Variants in PALS2 observed in about 807,000 individuals in gnomAD.
PALS2 encodes the protein protein PALS2.
Under a neutral mutation model 61.6 loss-of-function variants are expected in PALS2, and 27 were observed. The observed-to-expected ratio is 0.44, with a 90% CI of 0.32 to 0.60. PALS2 has a LOEUF of 0.60. Among genes scored for constraint, PALS2 ranks in the 20% least tolerant of loss-of-function variants. PALS2 has a pLI of 0.05. For missense variants in PALS2, 554 were observed against 639.4 expected (o/e 0.87, Z 1.44); for synonymous variants, 236 against 218.6 (o/e 1.08, Z -0.70).
At chr7:24,662,768 GAAA>G (rs59367702) in intron 5 of PALS2, among the ~76,000 whole-genome samples, 70 of 102,464 alleles carry the variant, frequency 6.8e-4, no homozygotes, top group Non-Finnish European at 9.6e-4. Flanking sequence ...GACTCCATCT[GAAA>G]AAAAAAAAAA....
intron 2 of PALS2, among the ~76,000 whole-genome samples, chr7:24,629,314 T>TA (rs1784886783): frequency 6.6e-6 from 1 of 152,188 alleles, no homozygotes; most frequent in South Asian, 2.1e-4. Flanking sequence ...ACCCCTTCCT[T>TA]ACACCTTATT....
At chr7:24,641,107 AACTTT>A (rs140991571) in intron 2 of PALS2, among the ~76,000 whole-genome samples, 2,444 of 151,974 alleles carry the variant, frequency 0.016, 76 homozygotes, top group African/African-American at 0.056. Context: ...AGAAAAAAAC[AACTTT>A]ACTTATAAAG....
intron 1 of PALS2, among the ~76,000 whole-genome samples, chr7:24,601,476 C>T (rs892486770): frequency 5.3e-5 from 8 of 152,120 alleles, no homozygotes; most frequent in African/African-American, 1.9e-4. Flanking sequence ...AATACGGACT[C>T]ATTTTCTGAA....
intron 1 of PALS2, among the ~76,000 whole-genome samples, chr7:24,602,133 A>G (rs781385169): frequency 4.0e-5 from 6 of 151,530 alleles, no homozygotes; most frequent in East Asian, 1.9e-4. Flanking sequence ...ATTTCCTCAC[A>G]TTTACCTTCC....
chr7:24,670,705 C>T (rs192825595), intron 9 of PALS2, among the ~76,000 whole-genome samples: 2 of 152,298 alleles, frequency 1.3e-5, no homozygotes, highest in African/African-American at 4.8e-5. Flanking sequence ...CCACCAACTT[C>T]CTCACCCCCT....
At chr7:24,653,283 A>G (rs1295326140) in intron 5 of PALS2, among the ~76,000 whole-genome samples, 3 of 152,200 alleles carry the variant, frequency 2.0e-5, no homozygotes. Flanking sequence ...AACTAAGCAC[A>G]TTACCAGATG....
chr7:24,672,312 C>T (rs1787338967), intron 9 of PALS2, among the ~76,000 whole-genome samples: 2 of 151,810 alleles, frequency 1.3e-5, no homozygotes, highest in African/African-American at 4.8e-5. Flanking sequence ...ACTGCAGCCT[C>T]CACCTCCTGG....
chr7:24,599,792 A>C (rs188336772), intron 1 of PALS2, among the ~76,000 whole-genome samples: 1 of 152,180 alleles, frequency 6.6e-6, no homozygotes, highest in East Asian at 1.9e-4. Context: ...GGTGTGAGCC[A>C]CTGCACCCAG....
Position 24,687,389 on chromosome 7 carries a change from G to A in PALS2, c.1447-49G>A, listed in dbSNP as rs1347918170. On this transcript the variant is annotated intron_variant, in intron 11 of 11. Coordinates refer to ENST00000222644, the MANE Select transcript of PALS2 (RefSeq NM_001303037.2). The surrounding 1 kb of genome is among the most constrained non-coding windows in gnomAD (Gnocchi z 4.5). Reference sequence around the variant, plus strand: ...TCACTTCTAGTTGGAGTTTGAGCAAGTAAATATGCATTGTAATACAAACAT... The same window carrying A: ...TCACTTCTAGTTGGAGTTTGAGCAAATAAATATGCATTGTAATACAAACAT... 1 of 1,433,564 alleles carries A rather than the reference G, an allele frequency of 7.0e-7. No individual in the cohort carries two copies. The allele number at this position is 1,433,564 out of a possible 1,614,324, so 88.8% of individuals were successfully genotyped here. A position where few individuals can be genotyped will look rare whatever the true frequency, so the allele number is the denominator to read the frequency against.
At chr7:24,606,214 C>A (rs933063867) in intron 1 of PALS2, among the ~76,000 whole-genome samples, 1 of 152,120 alleles carries the variant, frequency 6.6e-6, no homozygotes, top group Non-Finnish European at 1.5e-5. Context: ...AACAATTACT[C>A]TTAATTCTTT....
At chr7:24,665,803 C>A in intron 7 of PALS2, 116 bp downstream of exon 7, 1 of 999,384 alleles carries the variant, frequency 1.0e-6, no homozygotes, top group Non-Finnish European at 1.5e-6. Context: ...GAATCCCTCC[C>A]TCTGCTTTCT....
At chr7:24,599,525 T>TTTTTTTTTTTTTTTTTTTTTTTG (rs4000763) in intron 1 of PALS2, among the ~76,000 whole-genome samples, 1 of 143,624 alleles carries the variant, frequency 7.0e-6, no homozygotes, top group Non-Finnish European at 1.5e-5. Flanking sequence ...TTTTTTTTTT[T>TTTTTTTTTTTTTTTTTTTTTTTG]ATGGAGTCTT....
At chr7:24,641,014 A>C (rs1785521923) in intron 2 of PALS2, among the ~76,000 whole-genome samples, 1 of 150,168 alleles carries the variant, frequency 6.7e-6, no homozygotes, top group Non-Finnish European at 1.5e-5. Flanking sequence ...TCTCAAAAAA[A>C]AAAAAAAAAA....
intron 9 of PALS2, among the ~76,000 whole-genome samples, chr7:24,669,387 C>T (rs1269387338): frequency 6.6e-6 from 1 of 152,150 alleles, no homozygotes; most frequent in African/African-American, 2.4e-5. Flanking sequence ...ATGACTAATA[C>T]ACATTTGTCT....
chr7:24,645,346 T>G lies in PALS2; in HGVS notation c.270+3478T>G, dbSNP rs141525104. Reference sequence around the variant, plus strand: ...AATCTTCTGCATATGGCTAGCTGGTTATCCCAGCACCATTTATTGAATAGG... The same window carrying G: ...AATCTTCTGCATATGGCTAGCTGGTGATCCCAGCACCATTTATTGAATAGG... On this transcript the variant is annotated intron_variant, in intron 3 of 11. Coordinates refer to ENST00000222644, the MANE Select transcript of PALS2 (RefSeq NM_001303037.2). Among the ~76,000 whole-genome samples the G allele has an allele frequency of 1.6e-3, 247 of 152,326 alleles. 1 individual carries two copies. Among genetic ancestry groups the G allele is most frequent in the African/African-American group, 5.7e-3 (238 of 41,586 alleles).
Position 24,689,322 on chromosome 7 carries a change from A to T in PALS2, c.*1708A>T, listed in dbSNP as rs1233916809. ...ATTGTTGCTAGCTTTTCATGTAAAC[A>T]TTATTCACACTTTAAAGGATTAGGT... On this transcript the variant is annotated 3_prime_UTR_variant, in exon 12 of 12. Coordinates refer to ENST00000222644, the MANE Select transcript of PALS2 (RefSeq NM_001303037.2). The T allele has an allele frequency of 6.6e-6, 1 of 152,198 alleles. No homozygotes were observed. The highest frequency in any genetic ancestry group is 1.5e-5 in the Non-Finnish European group (1 of 68,032). 9.4% of individuals were successfully genotyped at this position (152,198 alleles called of 1,614,324 possible). A position where few individuals can be genotyped will look rare whatever the true frequency, so the allele number is the denominator to read the frequency against.
chr7:24,598,950 G>A (rs1344503725), intron 1 of PALS2, among the ~76,000 whole-genome samples: 1 of 152,102 alleles, frequency 6.6e-6, no homozygotes, highest in Non-Finnish European at 1.5e-5. Context: ...ATACTTTTGT[G>A]AAATATTTCG....
chr7:24,582,776 C>A (rs144959489), intron 1 of PALS2, among the ~76,000 whole-genome samples: 2,308 of 150,976 alleles, frequency 0.015, 73 homozygotes, highest in African/African-American at 0.054. Context: ...GTATAAGAAA[C>A]TCCAATAATT....
At chr7:24,672,932 TA>T (rs1220061079) in intron 9 of PALS2, among the ~76,000 whole-genome samples, 1 of 152,188 alleles carries the variant, frequency 6.6e-6, no homozygotes, top group East Asian at 1.9e-4. Flanking sequence ...ACCTGCAGTG[TA>T]ATGTGTAATA....
Sources: gnomAD v4.1 joint callset for allele counts (sites outside exome capture counted in the v4.1 genomes callset) on GRCh38, gnomAD v4.1.1 for gene constraint, Gnocchi (gnomAD v3.1) non-coding constraint, MANE v1.5 for transcripts, NCBI Gene and HGNC (gene_info 2026-07-23, HGNC 2026-07-21) for gene names.